CDK19: variants seen among roughly 807,000 people sequenced by gnomAD.
CDK19 encodes cyclin dependent kinase 19.
In CDK19, 20 loss-of-function variants were observed where a neutral mutation model predicts 68.3. That is an observed-to-expected ratio of 0.29 (90% CI 0.21 to 0.43). The LOEUF is 0.43. CDK19 is among the 20% of genes least tolerant of loss of function. The probability of loss-of-function intolerance (pLI) is 1.00; values close to 1 mark genes in which losing one functional copy is unlikely to be tolerated. For missense variants in CDK19, 339 were observed against 623.5 expected, an observed-to-expected ratio of 0.54 and a Z score of 4.86; for synonymous variants, 221 against 222.8, an observed-to-expected ratio of 0.99 and a Z score of 0.07.
At chr6:110,632,199 G>T in intron 5 of CDK19, 38 bp from the exon 6 acceptor site, 1 of 1,518,142 alleles carries the variant, frequency 6.6e-7, no homozygotes, top group South Asian at 1.2e-5. Flanking sequence ...AATTCAGTTT[G>T]ATTGTTTCTC....
chr6:110,678,864 T>G lies in CDK19; in HGVS notation c.205-8323A>C, dbSNP rs1358740103. Among the ~76,000 whole-genome samples, 3 of 152,332 alleles carry G rather than the reference T, an allele frequency of 2.0e-5. No homozygotes were observed. In the East Asian group the frequency reaches 5.8e-4, roughly 29 times the overall value. On this transcript the variant is annotated intron_variant, in intron 2 of 12. Coordinates refer to ENST00000368911, the MANE Select transcript of CDK19 (RefSeq NM_015076.5). ...AGCATACAAATTATGTGCTGTCCGG[T>G]AGAGGTTCACTGACTTCCCTCCCCA...
At chr6:110,805,044 C>A (rs1378378645) in intron 1 of CDK19, among the ~76,000 whole-genome samples, 2 of 152,000 alleles carry the variant, frequency 1.3e-5, no homozygotes, top group African/African-American at 4.8e-5. Context: ...AGAACTCAAA[C>A]CCTCAATAAA....
In CDK19 at chr6:110,701,112, G is replaced by A. The variant is rs967805210; in HGVS notation, c.205-30571C>T. On this transcript the variant is annotated intron_variant, in intron 2 of 12. Coordinates refer to ENST00000368911, the MANE Select transcript of CDK19 (RefSeq NM_015076.5). Reference sequence around the variant, plus strand: ...CCAGCTACTCGGGAGGCTGAGGCAGGAGAATTCCTAGAACCTGAGAGGCGG... The same window carrying A: ...CCAGCTACTCGGGAGGCTGAGGCAGAAGAATTCCTAGAACCTGAGAGGCGG... 5.9e-5 allele frequency among the ~76,000 whole-genome samples: 9 copies of A among 152,286 alleles called. No homozygotes were observed. In the East Asian group the frequency reaches 1.4e-3, roughly 23 times the overall value.
At chr6:110,753,935 T>C (rs1778658892) in intron 1 of CDK19, among the ~76,000 whole-genome samples, 1 of 152,178 alleles carries the variant, frequency 6.6e-6, no homozygotes, top group Non-Finnish European at 1.5e-5. Flanking sequence ...GAACTGTCAG[T>C]GCACTTCCAA....
At chr6:110,686,505 G>C (rs1365356181) in intron 2 of CDK19, among the ~76,000 whole-genome samples, 1 of 152,026 alleles carries the variant, frequency 6.6e-6, no homozygotes. Context: ...TACATGATAG[G>C]GTGTATCTCT....
chr6:110,763,917 C>T (rs1016446134), intron 1 of CDK19, among the ~76,000 whole-genome samples: 2 of 151,898 alleles, frequency 1.3e-5, no homozygotes, highest in African/African-American at 4.8e-5. Context: ...TTGCAGGGTA[C>T]AAGATTAATA....
chr6:110,763,786 G>C (rs1779390866), intron 1 of CDK19, among the ~76,000 whole-genome samples: 1 of 152,114 alleles, frequency 6.6e-6, no homozygotes, highest in Non-Finnish European at 1.5e-5. Flanking sequence ...GAAATAAGAG[G>C]TATACAGATT....
intron 2 of CDK19, among the ~76,000 whole-genome samples, chr6:110,698,106 A>G (rs1232812841): frequency 6.6e-6 from 1 of 152,218 alleles, no homozygotes; most frequent in Non-Finnish European, 1.5e-5. Flanking sequence ...TGGAATAGGC[A>G]AAGAATTCAT....
At chr6:110,761,069 C>T (rs1320223940) in intron 1 of CDK19, among the ~76,000 whole-genome samples, 1 of 152,078 alleles carries the variant, frequency 6.6e-6, no homozygotes, top group East Asian at 1.9e-4. Flanking sequence ...TGAAGCAGAA[C>T]AAGTAGGAAC....
At chr6:110,756,306 CT>C (rs1193127566) in intron 1 of CDK19, among the ~76,000 whole-genome samples, 3 of 151,748 alleles carry the variant, frequency 2.0e-5, no homozygotes, top group Non-Finnish European at 4.4e-5. Flanking sequence ...AGGAGAATTA[CT>C]TGAACTCGGG....
intron 1 of CDK19, chr6:110,814,788 G>A (rs1322966190): frequency 1.0e-5 from 7 of 683,728 alleles, no homozygotes; most frequent in African/African-American, 1.8e-5. Flanking sequence ...CCGACGCCTC[G>A]GACCGGGCTG....
Position 110,614,327 on chromosome 6 carries a change from G to C in CDK19, c.*208C>G. 1 of 436,164 alleles carries C rather than the reference G, an allele frequency of 2.3e-6. No homozygotes were observed. The highest frequency in any genetic ancestry group is 4.1e-6 in the Non-Finnish European group (1 of 242,814). 27.0% of individuals were successfully genotyped at this position (436,164 alleles called of 1,614,324 possible). ...TCACAATGGAACACATGCAGGGAAG[G>C]GGTGCTGGGGAAACTTCACAAGAAT... On this transcript the variant is annotated 3_prime_UTR_variant, in exon 13 of 13. Transcript: ENST00000368911.
At position 110,627,013 on chromosome 6, in the gene CDK19, C is replaced by T. The variant is rs1306900740; in HGVS notation, c.779G>A (p.Gly260Glu). 1 of 1,610,756 alleles carries T rather than the reference C, an allele frequency of 6.2e-7. No homozygotes were observed. Among genetic ancestry groups the T allele is most frequent in the African/African-American group, 1.3e-5 (1 of 74,866 alleles). ...GGAAAATAAATTACCTGCAGGAAAC[C>T]CCATGACACTAAATATCCGATCCAG... is the stretch of plus-strand genomic sequence containing the variant. ...DQLDRIFSVM[G>E]FPADKDWEDI... The change falls in exon 7 of 13, where the codon GGG becomes GAG. Residue 260 changes from glycine to glutamate, a missense_variant. Gly to Glu is a moderately conservative substitution (Grantham distance 98). This residue lies in a region of CDK19 where 63 missense variants were observed against 156.5 expected (regional missense o/e 0.40). Transcript: ENST00000368911.
At chr6:110,705,165 C>T (rs905293463) in intron 2 of CDK19, among the ~76,000 whole-genome samples, 2 of 151,934 alleles carry the variant, frequency 1.3e-5, no homozygotes, top group Admixed American at 6.6e-5. Flanking sequence ...CTCAGCCTCC[C>T]GAATACCTGG....
chr6:110,629,521 AT>A (rs566545199), intron 6 of CDK19, among the ~76,000 whole-genome samples: 1 of 152,036 alleles, frequency 6.6e-6, no homozygotes, highest in Admixed American at 6.6e-5. Context: ...TGCCTGGCTA[AT>A]TTTTGTATTT....
intron 12 of CDK19, among the ~76,000 whole-genome samples, chr6:110,617,589 G>A (rs1019735872): frequency 5.0e-4 from 75 of 151,122 alleles, no homozygotes; most frequent in African/African-American, 1.8e-3. Flanking sequence ...TTTGAGACCA[G>A]CCTGACCAAC....
chr6:110,659,896 C>T lies in CDK19; in HGVS notation c.456+7538G>A, dbSNP rs1184577795. Among the ~76,000 whole-genome samples the T allele has an allele frequency of 3.3e-5, 5 of 152,286 alleles. No individual in the cohort carries two copies. The East Asian group carries it at 9.6e-4, about 29-fold the overall frequency. ...TCTTACCATCCATGTAACTTTTACA[C>T]ATGAAAAAATTATATATGAAAGGTG... is the stretch of plus-strand genomic sequence containing the variant. On this transcript the variant is annotated intron_variant, in intron 4 of 12. Transcript: ENST00000368911.
At chr6:110,649,266 G>A (rs1424923700) in intron 4 of CDK19, among the ~76,000 whole-genome samples, 2 of 152,100 alleles carry the variant, frequency 1.3e-5, no homozygotes, top group Non-Finnish European at 2.9e-5. Context: ...GTAGAGAAAG[G>A]AGGATCTGTT....
At chr6:110,740,071 G>T (rs1032814580) in intron 2 of CDK19, among the ~76,000 whole-genome samples, 1 of 151,488 alleles carries the variant, frequency 6.6e-6, no homozygotes, top group African/African-American at 2.4e-5. Flanking sequence ...CTCTTGTGGG[G>T]GGAAAAATTC....
Sources: allele counts gnomAD v4.1 joint callset (sites outside exome capture counted in the v4.1 genomes callset), GRCh38; gene constraint gnomAD v4.1.1; regional missense constraint gnomAD v4.1.1; transcripts MANE v1.5; gene names NCBI Gene and HGNC (gene_info 2026-07-23, HGNC 2026-07-21).